Variants in SORCS3 observed in about 807,000 individuals in gnomAD.
The protein encoded by SORCS3 is sortilin related VPS10 domain containing receptor 3.
A neutral mutation model predicts 146.3 loss-of-function variants in SORCS3; 57 were observed. That is an observed-to-expected ratio of 0.39 (90% CI 0.31 to 0.49). The LOEUF (loss-of-function observed/expected upper bound fraction) is 0.49. Ranked by LOEUF, SORCS3 falls within the 20% of genes least tolerant of loss-of-function variation. The pLI is 0.92. For synonymous variants in SORCS3, 653 were observed against 618.5 expected, an observed-to-expected ratio of 1.06 and a Z score of -0.83; for missense variants, 1,341 against 1,575.5, an observed-to-expected ratio of 0.85 and a Z score of 2.52.
intron 1 of SORCS3, among the ~76,000 whole-genome samples, chr10:104,824,571 A>G (rs921952201): frequency 2.0e-5 from 3 of 152,184 alleles, no homozygotes; most frequent in East Asian, 3.9e-4. Context: ...CTTCACTGTT[A>G]TTTACAGCAG....
At chr10:104,656,286 G>A (rs2015628560) in intron 1 of SORCS3, among the ~76,000 whole-genome samples, 1 of 152,092 alleles carries the variant, frequency 6.6e-6, no homozygotes, top group African/African-American at 2.4e-5. Flanking sequence ...GAGGGGCTGG[G>A]GGATGGTGAG....
chr10:105,105,472 A>G lies in SORCS3; in HGVS notation c.1169A>G (p.Asp390Gly). ...TRSGPFARSI[D>G]ISSLVVQDEY... ...AGTGGGCCTTTTGCCCGCTCCATTG[A>G]CATCAGTTCCCTGGTTGTCCAGGAT... is the stretch of plus-strand genomic sequence containing the variant. The change falls in exon 7 of 27, where the codon GAC (aspartate) becomes GGC (glycine). Residue 390 changes from aspartate (D) to glycine (G), a missense_variant. Coordinates refer to ENST00000369701, the MANE Select transcript of SORCS3 (RefSeq NM_014978.3). The G allele has an allele frequency of 6.2e-7, 1 of 1,613,710 alleles. No individual in the cohort carries two copies. The highest frequency in any genetic ancestry group is 8.5e-7 in the Non-Finnish European group (1 of 1,179,662).
rs552256204 is a variant in SORCS3 at position 104,886,479 on chromosome 10, CAT to C, written c.696-29351_696-29350del. ...ATACACAGAATATGTCCAGATACCA[CAT>C]ATGTTATTTATATGTATATATATAA... On this transcript the variant is annotated intron_variant, in intron 2 of 26. Coordinates refer to ENST00000369701, the MANE Select transcript of SORCS3 (RefSeq NM_014978.3). Among the ~76,000 whole-genome samples the C allele has an allele frequency of 3.5e-3, 534 of 152,088 alleles. 2 individuals carry two copies. Among genetic ancestry groups the C allele is most frequent in the South Asian group, 0.018 (88 of 4,816 alleles).
chr10:105,185,731 T>C (rs2056471348), intron 14 of SORCS3, among the ~76,000 whole-genome samples: 1 of 152,194 alleles, frequency 6.6e-6, no homozygotes. Context: ...ATACAGGAAA[T>C]CCTAGATAGA....
intron 3 of SORCS3, among the ~76,000 whole-genome samples, chr10:104,959,572 A>G (rs1288098647): frequency 6.6e-6 from 1 of 152,146 alleles, no homozygotes; most frequent in Non-Finnish European, 1.5e-5. Flanking sequence ...CACCCAGGGT[A>G]TGATATTCTT....
intron 4 of SORCS3, among the ~76,000 whole-genome samples, chr10:105,020,981 T>C (rs1331867051): frequency 6.6e-6 from 1 of 152,224 alleles, no homozygotes; most frequent in African/African-American, 2.4e-5. Flanking sequence ...GGAGATCATA[T>C]ACTGCAATGT....
At chr10:105,217,592 C>G (rs1486270835) in intron 19 of SORCS3, among the ~76,000 whole-genome samples, 1 of 152,184 alleles carries the variant, frequency 6.6e-6, no homozygotes, top group African/African-American at 2.4e-5. Context: ...TAATTTAGAA[C>G]TAAACACACA....
intron 1 of SORCS3, among the ~76,000 whole-genome samples, chr10:104,689,993 T>A (rs2016093563): frequency 2.0e-5 from 3 of 152,202 alleles, no homozygotes; most frequent in Admixed American, 2.0e-4. Context: ...TATGTTTATA[T>A]TTGAAATTCT....
chr10:104,643,381 A>G (rs1167483714), intron 1 of SORCS3, among the ~76,000 whole-genome samples: 1 of 152,152 alleles, frequency 6.6e-6, no homozygotes, highest in Non-Finnish European at 1.5e-5. Context: ...CAAAGTGCAG[A>G]TTTCTTGGTT....
intron 5 of SORCS3, among the ~76,000 whole-genome samples, chr10:105,073,962 C>T (rs2055573515): frequency 6.6e-6 from 1 of 152,182 alleles, no homozygotes. Flanking sequence ...GTTGTGGAAT[C>T]ATTTCAATCC....
intron 1 of SORCS3, among the ~76,000 whole-genome samples, chr10:104,789,050 G>A (rs1433573337): frequency 6.6e-6 from 1 of 152,178 alleles, no homozygotes; most frequent in Non-Finnish European, 1.5e-5. Flanking sequence ...GCAGGGTGAG[G>A]GGGGCAGGAG....
intron 19 of SORCS3, 86 bp downstream of exon 19, chr10:105,217,208 C>A: frequency 7.2e-7 from 1 of 1,394,666 alleles, no homozygotes; most frequent in Non-Finnish European, 1.0e-6. Context: ...CAGAGCTGAG[C>A]CCAGGTTCAG....
In SORCS3 at chr10:105,164,336, T is replaced by C. The variant is rs1474912487; in HGVS notation, c.1766T>C (p.Ile589Thr). 4 of 1,613,636 alleles carry C rather than the reference T, an allele frequency of 2.5e-6. No individual in the cohort carries two copies. The highest frequency in any genetic ancestry group is 3.4e-6 in the Non-Finnish European group (4 of 1,179,746). The stretch of plus-strand genomic sequence containing the variant: ...GGCCCGGAGCTCTCATATACTGATA[T>C]TGGTGTGTTCATCTCCTCCGATGGG... ...NIGPELSYTDIGVFISSDGGN... is the reference protein window; with the variant it reads ...NIGPELSYTDTGVFISSDGGN... The change falls in exon 12 of 27, where the codon ATT becomes ACT. Residue 589 changes from isoleucine to threonine, a missense_variant. Coordinates refer to ENST00000369701, the MANE Select transcript of SORCS3 (RefSeq NM_014978.3).
intron 1 of SORCS3, among the ~76,000 whole-genome samples, chr10:104,798,489 T>C (rs1275701121): frequency 6.6e-6 from 1 of 152,204 alleles, no homozygotes; most frequent in African/African-American, 2.4e-5. Context: ...ACAACATACT[T>C]ATTAGAATTG....
rs757347409 is a variant in SORCS3 at position 104,641,464 on chromosome 10, C to T, written c.137C>T (p.Pro46Leu). The T allele has an allele frequency of 1.5e-5, 22 of 1,467,174 alleles. No individual in the cohort carries two copies. The East Asian group carries it at 2.4e-4, about 16-fold the overall frequency. The allele number at this position is 1,467,174 out of a possible 1,614,324, so 90.9% of individuals were successfully genotyped here. ...TWDATGGPGRPAAPASRPPAL... is the reference protein window; with the variant it reads ...TWDATGGPGRLAAPASRPPAL... ...GACGCGACAGGCGGTCCCGGACGCC[C>T]GGCGGCCCCGGCTTCGCGGCCACCG... The change falls in exon 1 of 27, where the codon CCG (proline) becomes CTG (leucine). Residue 46 changes from proline to leucine, a missense_variant. Pro to Leu is a moderately conservative substitution (Grantham distance 98, BLOSUM62 -3). Coordinates refer to ENST00000369701, the MANE Select transcript of SORCS3 (RefSeq NM_014978.3). The surrounding 1 kb of genome is among the most constrained non-coding windows in gnomAD (Gnocchi z 6.4).
chr10:105,237,885 G>A (rs559071127), intron 20 of SORCS3, among the ~76,000 whole-genome samples: 43 of 152,270 alleles, frequency 2.8e-4, no homozygotes, highest in Middle Eastern at 3.4e-3. Context: ...GCTGTTTTAT[G>A]TGTTTGTGTT....
chr10:105,055,298 G>A (rs139882676), intron 5 of SORCS3, among the ~76,000 whole-genome samples: 1,878 of 152,218 alleles, frequency 0.012, 23 homozygotes, highest in African/African-American at 0.033. Flanking sequence ...GTTGCTAGTC[G>A]ATACCCTTAA....
At chr10:104,926,878 A>G (rs948482375) in intron 3 of SORCS3, among the ~76,000 whole-genome samples, 1 of 152,242 alleles carries the variant, frequency 6.6e-6, no homozygotes. Context: ...TTTATTTGAA[A>G]ATGGGAAGAA....
chr10:104,773,928 G>C (rs11593349), intron 1 of SORCS3, among the ~76,000 whole-genome samples: 23,328 of 152,132 alleles, frequency 0.15, 2,286 homozygotes, highest in Middle Eastern at 0.28. Flanking sequence ...TTGTTGGAAA[G>C]GTAGACTCTC....
Sources: allele counts gnomAD v4.1 joint callset (sites outside exome capture counted in the v4.1 genomes callset), GRCh38; gene constraint gnomAD v4.1.1; non-coding constraint Gnocchi (gnomAD v3.1); transcripts MANE v1.5; gene names NCBI Gene and HGNC (gene_info 2026-07-23, HGNC 2026-07-21).